RRAGB: variants seen among roughly 807,000 people sequenced by gnomAD.
RRAGB encodes Ras related GTP binding B, also known as ras-related GTP-binding protein B.
A neutral mutation model predicts 29.3 loss-of-function variants in RRAGB; 6 were observed. The observed-to-expected ratio is 0.21, with a 90% CI of 0.11 to 0.40. The LOEUF (loss-of-function observed/expected upper bound fraction) is 0.40, where lower values mean the gene tolerates loss of function less well. Ranked by LOEUF, RRAGB falls within the 10% of genes least tolerant of loss-of-function variation. The probability of loss-of-function intolerance (pLI) is 1.00; values close to 1 mark genes in which losing one functional copy is unlikely to be tolerated. For missense variants in RRAGB, 184 were observed against 272.9 expected (o/e 0.67, Z 2.29); for synonymous variants, 101 against 92.5 (o/e 1.09, Z -0.53).
rs912706975 is a variant in RRAGB at position 55,718,261 on chromosome X, A to AAAC, written c.-55_-53dup. On this transcript the variant is annotated 5_prime_UTR_variant, in exon 1 of 10. Coordinates refer to ENST00000374941, the MANE Select transcript of RRAGB (RefSeq NM_006064.5). ...TTGAGGGGTGAAAAAGAAAACAAAC[A>AAAC]AACAACAACAACAAACCCTGAAGAG... is the stretch of plus-strand genomic sequence containing the variant. The AAAC allele has an allele frequency of 3.4e-6, 3 of 881,595 alleles. No individual in the cohort carries two copies. The highest frequency in any genetic ancestry group is 4.7e-6 in the Non-Finnish European group (3 of 633,291). 72.7% of individuals were successfully genotyped at this position (881,595 alleles called of 1,213,427 possible). A position where few individuals can be genotyped will look rare whatever the true frequency, so the allele number is the denominator to read the frequency against.
intron 5 of RRAGB, among the ~76,000 whole-genome samples, chrX:55,743,496 T>C (rs1230202025): frequency 1.8e-5 from 2 of 112,317 alleles, no homozygotes; most frequent in East Asian, 2.8e-4. Flanking sequence ...GCTGAGCCCA[T>C]ATATAACAAC....
chrX:55,719,235 C>G, intron 1 of RRAGB, 79 bp from the exon 2 acceptor site: 1 of 877,452 alleles, frequency 1.1e-6, no homozygotes, highest in Non-Finnish European at 1.6e-6. Flanking sequence ...TTTGTACCTC[C>G]ATGTTTATTT....
At chrX:55,751,967 A>G in intron 6 of RRAGB, among the ~76,000 whole-genome samples, 1 of 111,296 alleles carries the variant, frequency 9.0e-6, no homozygotes, top group Middle Eastern at 4.6e-3. Context: ...TGGGTAGGAA[A>G]GCACCCTTCT....
At chrX:55,748,981 C>T (rs78529913) in intron 5 of RRAGB, among the ~76,000 whole-genome samples, 40,949 of 83,000 alleles carry the variant, frequency 0.49, 11,286 homozygotes, top group East Asian at 0.75. Context: ...CCCCCCCGCC[C>T]GGCCGGCCGC....
chrX:55,737,161 G>A (rs1420254081), intron 5 of RRAGB, among the ~76,000 whole-genome samples: 1 of 112,003 alleles, frequency 8.9e-6, no homozygotes, highest in Non-Finnish European at 1.9e-5. Context: ...CAGGGGGACA[G>A]AAGGGAGCCA....
intron 7 of RRAGB, chrX:55,755,402 A>G (rs771344984): frequency 8.0e-6 from 6 of 745,751 alleles, no homozygotes; most frequent in Non-Finnish European, 9.5e-6. Flanking sequence ...CTTTTAAAAT[A>G]CAATTCCAAA....
Position 55,753,518 on chromosome X carries a change from A to G in RRAGB, c.735+4A>G, listed in dbSNP as rs1444798395. On this transcript the variant is annotated splice_donor_region_variant and intron_variant, in intron 7 of 9. Transcript: ENST00000374941. ...TTTTGAGAGAGCTACTTTTCTGGTAAGAACTTTCTGCTTTGCAGATGTACT... is the reference window on the plus strand; with the variant it reads ...TTTTGAGAGAGCTACTTTTCTGGTAGGAACTTTCTGCTTTGCAGATGTACT... 8.4e-7 allele frequency: 1 copy of G among 1,187,317 alleles called. No individual in the cohort carries two copies. The highest frequency in any genetic ancestry group is 2.2e-5 in the Admixed American group (1 of 45,915).
At chrX:55,731,343 T>C (rs2033671796) in intron 4 of RRAGB, 21 bp from the exon 5 acceptor site, 3 of 1,118,381 alleles carry the variant, frequency 2.7e-6, no homozygotes, top group South Asian at 1.9e-5. Flanking sequence ...TTGCTTACTA[T>C]ATATATATTT....
At chrX:55,754,582 T>C (rs936020759) in intron 7 of RRAGB, among the ~76,000 whole-genome samples, 5 of 112,178 alleles carry the variant, frequency 4.5e-5, no homozygotes, top group African/African-American at 1.6e-4. Context: ...AATATCTATA[T>C]CATAGATTTA....
chrX:55,738,561 C>T (rs1292655584), intron 5 of RRAGB, among the ~76,000 whole-genome samples: 1 of 112,658 alleles, frequency 8.9e-6, no homozygotes, highest in Non-Finnish European at 1.9e-5. Context: ...CATGAGTAGG[C>T]TCAAGACCTC....
chrX:55,732,264 G>C (rs2033709305), intron 5 of RRAGB, among the ~76,000 whole-genome samples: 1 of 112,071 alleles, frequency 8.9e-6, no homozygotes, highest in Non-Finnish European at 1.9e-5. Flanking sequence ...CTCCTGCTTA[G>C]CTGTGAGACT....
intron 5 of RRAGB, among the ~76,000 whole-genome samples, chrX:55,748,777 G>A (rs1200792379): frequency 3.6e-5 from 4 of 109,909 alleles, no homozygotes; most frequent in Non-Finnish European, 7.7e-5. Flanking sequence ...CCATCTGGGA[G>A]GGAGGTGGGG....
At chrX:55,742,950 G>C (rs904392524) in intron 5 of RRAGB, among the ~76,000 whole-genome samples, 1 of 111,942 alleles carries the variant, frequency 8.9e-6, no homozygotes, top group Admixed American at 9.4e-5. Context: ...ACTCATGCTT[G>C]TAGTTCTACC....
At chrX:55,726,696 T>G (rs141623481) in intron 3 of RRAGB, among the ~76,000 whole-genome samples, 1,497 of 111,126 alleles carry the variant, frequency 0.013, 10 homozygotes, top group Non-Finnish European at 0.018. Context: ...GGTTTTGGCT[T>G]AGGCAACTGG....
intron 6 of RRAGB, chrX:55,752,320 C>T (rs1569255580): frequency 1.6e-5 from 12 of 753,536 alleles, no homozygotes; most frequent in Non-Finnish European, 1.7e-5. Flanking sequence ...ATACATAACA[C>T]GACCAAAGAC....
rs746562820 is a variant in RRAGB at position 55,757,249 on chromosome X, C to G, written c.861C>G (p.Val287=). 1 of 1,196,139 alleles carries G rather than the reference C, an allele frequency of 8.4e-7. No individual in the cohort carries two copies. The highest frequency in any genetic ancestry group is 1.1e-6 in the Non-Finnish European group (1 of 883,470). The change falls in exon 9 of 10, where the codon GTC becomes GTG. Residue 287 remains valine (V), a synonymous_variant. Coordinates refer to ENST00000374941, the MANE Select transcript of RRAGB (RefSeq NM_006064.5). ...CTGCCTCTTTCCAGAGTATGGAAGT[C>G]AGGAACTCTAACTTCGCTGCTTTCA... is the stretch of plus-strand genomic sequence containing the variant. The part of the protein sequence containing the change: ...KLAASFQSME[V]RNSNFAAFID...
chrX:55,735,562 A>G (rs1304461822), intron 5 of RRAGB, among the ~76,000 whole-genome samples: 5 of 111,695 alleles, frequency 4.5e-5, no homozygotes, highest in Non-Finnish European at 9.4e-5. Context: ...GTTTTTTTCC[A>G]TTCTGTCCAT....
chrX:55,722,541 G>T (rs1257059712), intron 3 of RRAGB, among the ~76,000 whole-genome samples: 1 of 111,624 alleles, frequency 9.0e-6, no homozygotes, highest in Non-Finnish European at 1.9e-5. Context: ...TGTTTATTCT[G>T]CTATTTCTTA....
intron 5 of RRAGB, among the ~76,000 whole-genome samples, chrX:55,739,353 G>A (rs1490497208): frequency 8.9e-6 from 1 of 112,383 alleles, no homozygotes; most frequent in Non-Finnish European, 1.9e-5. Context: ...TCTCAGTTGG[G>A]AGCTTCTCCC....
Sources: allele counts gnomAD v4.1 joint callset (sites outside exome capture counted in the v4.1 genomes callset), GRCh38; gene constraint gnomAD v4.1.1; transcripts MANE v1.5; gene names NCBI Gene and HGNC (gene_info 2026-07-23, HGNC 2026-07-21).